EP300: variants seen among roughly 807,000 people sequenced by gnomAD.
The protein encoded by EP300 is EP300 lysine acetyltransferase.
Under a neutral mutation model 264.0 loss-of-function variants are expected in EP300, and 31 were observed. That is an observed-to-expected ratio of 0.12 (90% CI 0.09 to 0.16). The LOEUF (loss-of-function observed/expected upper bound fraction) is 0.16. Ranked by LOEUF, EP300 falls within the 10% of genes least tolerant of loss-of-function variation. EP300 has a pLI of 1.00. For missense variants in EP300, 2,766 were observed against 3,052.9 expected, an observed-to-expected ratio of 0.91 and a Z score of 2.21; for synonymous variants, 1,340 against 1,045.4, an observed-to-expected ratio of 1.28 and a Z score of -5.44.
At chr22:41,112,199 T>TA (rs1234220506) in intron 1 of EP300, among the ~76,000 whole-genome samples, 2 of 149,996 alleles carry the variant, frequency 1.3e-5, no homozygotes, top group African/African-American at 4.9e-5. Context: ...CCTATTTTTT[T>TA]ATGTGTGTGT....
At chr22:41,142,936 A>T (rs1401539851) in intron 10 of EP300, among the ~76,000 whole-genome samples, 1 of 151,970 alleles carries the variant, frequency 6.6e-6, no homozygotes, top group Non-Finnish European at 1.5e-5. Context: ...GGTAGAATTT[A>T]CTCAAGTTCT....
rs1439574651 is a variant in EP300 at position 41,179,992 on chromosome 22, T to G, written c.*1036T>G. ...AATCATGCAATTAAAGTTGATTACT[T>G]ATAAATATGAACTTTGGATCACTGT... is the stretch of plus-strand genomic sequence containing the variant. On this transcript the variant is annotated 3_prime_UTR_variant, in exon 31 of 31. Transcript: ENST00000263253. 2 of 231,094 alleles carry G rather than the reference T, an allele frequency of 8.7e-6. No homozygotes were observed. The highest frequency in any genetic ancestry group is 1.7e-5 in the Non-Finnish European group (2 of 116,566). The allele number at this position is 231,094 out of a possible 1,614,324, so 14.3% of individuals were successfully genotyped here.
intron 16 of EP300, among the ~76,000 whole-genome samples, chr22:41,152,753 TTTTTC>T (rs1174088790): frequency 1.6e-5 from 1 of 60,690 alleles, no homozygotes; most frequent in South Asian, 7.6e-4. Flanking sequence ...TCTTTCTTTC[TTTTTC>T]TTTTCTTTTT....
chr22:41,123,463 C>G (rs2058863518), intron 2 of EP300, among the ~76,000 whole-genome samples: 1 of 152,140 alleles, frequency 6.6e-6, no homozygotes, highest in Non-Finnish European at 1.5e-5. Context: ...AGAAGACAGG[C>G]AAACCTGTTG....
intron 16 of EP300, among the ~76,000 whole-genome samples, chr22:41,153,824 A>G (rs2145742888): frequency 1.3e-5 from 2 of 152,370 alleles, no homozygotes; most frequent in African/African-American, 4.8e-5. Context: ...GCACAGCTAA[A>G]TATGAGTGAC....
At chr22:41,160,492 G>A in intron 19 of EP300, 150 bp from the exon 20 acceptor site, 1 of 688,738 alleles carries the variant, frequency 1.5e-6, no homozygotes, top group African/African-American at 1.8e-5. Flanking sequence ...CCATATATCT[G>A]CATCATTGAA....
intron 9 of EP300, 101 bp downstream of exon 9, chr22:41,140,358 G>A (rs181920680): frequency 7.0e-5 from 59 of 843,004 alleles, no homozygotes; most frequent in Non-Finnish European, 1.2e-4. Context: ...CTTCAGACGG[G>A]GGACACGCTG....
At chr22:41,160,772 G>T in intron 20 of EP300, 50 bp downstream of exon 20, 2 of 1,506,170 alleles carry the variant, frequency 1.3e-6, no homozygotes, top group South Asian at 1.1e-5. Context: ...GTTGTCCAGT[G>T]ATTATGCACA....
At chr22:41,148,011 C>G in intron 12 of EP300, 65 bp downstream of exon 12, 1 of 1,120,840 alleles carries the variant, frequency 8.9e-7, no homozygotes, top group Non-Finnish European at 1.3e-6. Flanking sequence ...CCTGTTTGTT[C>G]CTACTTTATA....
rs1476439746 is a variant in EP300 at position 41,147,858 on chromosome 22, T to G, written c.2153T>G (p.Met718Arg). The G allele has an allele frequency of 6.2e-7, 1 of 1,614,136 alleles. No individual in the cohort carries two copies. Among genetic ancestry groups the G allele is most frequent in the Non-Finnish European group, 8.5e-7 (1 of 1,179,988 alleles). The part of the protein sequence containing the change: ...PQSGLNQFGQ[M>R]SMAQPPIVPR... ...ACAGGTTTGAATCAATTTGGCCAGATGAGCATGGCCCAGCCCCCTATTGTA... is the reference window on the plus strand; with the variant it reads ...ACAGGTTTGAATCAATTTGGCCAGAGGAGCATGGCCCAGCCCCCTATTGTA... Residue 718 changes from methionine to arginine, a missense_variant, in exon 12 of 31, where the codon ATG becomes AGG. Met to Arg is a moderately conservative substitution (Grantham distance 91, BLOSUM62 -1). Coordinates refer to ENST00000263253, the MANE Select transcript of EP300 (RefSeq NM_001429.4).
At chr22:41,139,458 G>A (rs2058969933) in intron 8 of EP300, among the ~76,000 whole-genome samples, 3 of 152,180 alleles carry the variant, frequency 2.0e-5, no homozygotes, top group Admixed American at 2.0e-4. Flanking sequence ...ATATGCTCGA[G>A]TTTTCTACCA....
In EP300 at chr22:41,147,936, C is replaced by T. The variant is rs1312164936; in HGVS notation, c.2231C>T (p.Ala744Val). ...QHHGQLAQPG[A>V]LNPPMGYGPR... is the part of the protein sequence containing the mutation. ...CATGGACAGTTGGCTCAACCTGGAG[C>T]TCTCAACCCGGTTAGTTTGACGTCT... The change falls in exon 12 of 31, where the codon GCT becomes GTT. Residue 744 changes from alanine (A) to valine (V), a missense_variant. Physicochemically the swap from Ala to Val is moderately conservative, Grantham distance 64. Coordinates refer to ENST00000263253, the MANE Select transcript of EP300 (RefSeq NM_001429.4). 1.2e-6 allele frequency: 2 copies of T among 1,604,138 alleles called. No homozygotes were observed. Among genetic ancestry groups the T allele is most frequent in the African/African-American group, 2.7e-5 (2 of 74,474 alleles).
intron 4 of EP300, among the ~76,000 whole-genome samples, chr22:41,129,609 G>T (rs2058904849): frequency 6.6e-6 from 1 of 152,190 alleles, no homozygotes; most frequent in Non-Finnish European, 1.5e-5. Context: ...GAATAAAGTA[G>T]GTTGTGTATA....
intron 1 of EP300, among the ~76,000 whole-genome samples, chr22:41,102,353 G>A (rs963027775): frequency 6.6e-6 from 1 of 152,120 alleles, no homozygotes; most frequent in Non-Finnish European, 1.5e-5. Flanking sequence ...GGCTGTCTTT[G>A]AGGAATTGTG....
intron 1 of EP300, among the ~76,000 whole-genome samples, chr22:41,115,820 A>G (rs2058817723): frequency 6.6e-6 from 1 of 152,332 alleles, no homozygotes; most frequent in South Asian, 2.1e-4. Flanking sequence ...TCTGTAGGCT[A>G]CAGGTCAAAA....
rs2145752243 is a variant in EP300 at position 41,160,622 on chromosome 22, T to G, written c.3591-20T>G. 6.2e-7 allele frequency: 1 copy of G among 1,613,130 alleles called. No homozygotes were observed. The highest frequency in any genetic ancestry group is 1.1e-5 in the South Asian group (1 of 91,056). ...GTGTGAACGGAACAGTTCACCCCAG[T>G]ATGGCCTTCTTGCCGACAGGTATCA... is the stretch of plus-strand genomic sequence containing the variant. On this transcript the variant is annotated intron_variant, in intron 19 of 30. Coordinates refer to ENST00000263253, the MANE Select transcript of EP300 (RefSeq NM_001429.4).
At chr22:41,140,958 C>G in intron 9 of EP300, 90 bp from the exon 10 acceptor site, 1 of 1,251,098 alleles carries the variant, frequency 8.0e-7, no homozygotes. Context: ...TAAAATGAAA[C>G]TAATATCTAT....
chr22:41,110,908 G>T (rs2058786460), intron 1 of EP300, among the ~76,000 whole-genome samples: 1 of 150,382 alleles, frequency 6.6e-6, no homozygotes, highest in Non-Finnish European at 1.5e-5. Flanking sequence ...CTTTACTTTT[G>T]AGTTTACACC....
intron 26 of EP300, 132 bp from the exon 27 acceptor site, chr22:41,170,274 G>C (rs1201433139): frequency 1.3e-6 from 1 of 790,740 alleles, no homozygotes; most frequent in Admixed American, 2.4e-5. Flanking sequence ...TCTCATTCTG[G>C]GTTATATATA....
Sources: allele counts gnomAD v4.1 joint callset (sites outside exome capture counted in the v4.1 genomes callset), GRCh38; gene constraint gnomAD v4.1.1; transcripts MANE v1.5; gene names NCBI Gene and HGNC (gene_info 2026-07-23, HGNC 2026-07-21).